The following DIP2B variants were observed in gnomAD, a reference collection of about 807,000 sequenced individuals.
DIP2B encodes DIP2 acetate--CoA ligase B (putative), also known as disco-interacting protein 2 homolog B.
In DIP2B, 76 loss-of-function variants were observed where a neutral mutation model predicts 198.0. The ratio of observed to expected loss-of-function variants is 0.38; its 90% CI spans 0.32 to 0.46. DIP2B has a LOEUF of 0.46. DIP2B is among the 20% of genes least tolerant of loss of function. DIP2B has a pLI of 0.99. For synonymous variants in DIP2B, 701 were observed against 739.1 expected, an observed-to-expected ratio of 0.95 and a Z score of 0.84; for missense variants, 1,559 against 1,978.4, an observed-to-expected ratio of 0.79 and a Z score of 4.02.
chr12:50,588,582 G>A (rs1002778447), intron 1 of DIP2B, among the ~76,000 whole-genome samples: 2 of 152,164 alleles, frequency 1.3e-5, no homozygotes, highest in Admixed American at 1.3e-4. Flanking sequence ...TTTGGGGAAT[G>A]CTGTCTGAAT....
chr12:50,643,548 C>G (rs1169600737), intron 3 of DIP2B, among the ~76,000 whole-genome samples: 1 of 151,732 alleles, frequency 6.6e-6, no homozygotes, highest in African/African-American at 2.4e-5. Flanking sequence ...CTATGAGGGT[C>G]CTGCAATCCT....
At chr12:50,521,894 T>G (rs954911026) in intron 1 of DIP2B, among the ~76,000 whole-genome samples, 2 of 152,006 alleles carry the variant, frequency 1.3e-5, no homozygotes, top group Non-Finnish European at 2.9e-5. Context: ...TCACCTGCCT[T>G]GGCCTCCCAG....
chr12:50,708,895 G>C (rs940797772), intron 22 of DIP2B, among the ~76,000 whole-genome samples: 1 of 152,252 alleles, frequency 6.6e-6, no homozygotes, highest in African/African-American at 2.4e-5. Context: ...GTCAGTCACA[G>C]TTTTACTGTG....
Position 50,558,524 on chromosome 12 carries a change from CTG to C in DIP2B, c.100+53286_100+53287del, listed in dbSNP as rs571943266. Among the ~76,000 whole-genome samples, 625 of 152,294 alleles carry C rather than the reference CTG, an allele frequency of 4.1e-3. 4 individuals are homozygous for C. Among genetic ancestry groups the C allele is most frequent in the African/African-American group, 0.014 (587 of 41,560 alleles). On this transcript the variant is annotated intron_variant, in intron 1 of 37. Transcript: ENST00000301180. ...TCTTGAGGCCACACTGTTTGCAGCACTGTATTTCTGAACTTGTATTCTAACAT... is the reference window on the plus strand; with the variant it reads ...TCTTGAGGCCACACTGTTTGCAGCACTATTTCTGAACTTGTATTCTAACAT...
At chr12:50,505,702 T>G (rs1469134171) in intron 1 of DIP2B, among the ~76,000 whole-genome samples, 1 of 152,058 alleles carries the variant, frequency 6.6e-6, no homozygotes, top group Admixed American at 6.6e-5. Context: ...ATCCGCAGCA[T>G]CATTTCTTCT....
At chr12:50,611,164 C>A (rs1305271528) in intron 1 of DIP2B, among the ~76,000 whole-genome samples, 3 of 152,132 alleles carry the variant, frequency 2.0e-5, no homozygotes, top group African/African-American at 4.8e-5. Flanking sequence ...TATTATCAGC[C>A]AAGTCAAAAG....
rs147896919 is a variant in DIP2B, at chr12:50,741,365, T to C, written c.4355-51T>C. On this transcript the variant is annotated intron_variant, in intron 36 of 37. Coordinates refer to ENST00000301180, the MANE Select transcript of DIP2B (RefSeq NM_173602.3). The stretch of plus-strand genomic sequence containing the variant: ...CTGTGCTGTGGACTCCAGTGTTATG[T>C]TGCACTCAGTATATGTCCAAGCCAC... 5.8e-4 allele frequency: 928 copies of C among 1,593,112 alleles called. 5 individuals are homozygous for C. In the African/African-American group the frequency reaches 0.011, roughly 19 times the overall value.
chr12:50,508,340 G>GT (rs1202795977), intron 1 of DIP2B, among the ~76,000 whole-genome samples: 1 of 152,180 alleles, frequency 6.6e-6, no homozygotes, highest in Non-Finnish European at 1.5e-5. Flanking sequence ...TGACAGCTCT[G>GT]TTGTTTGGAC....
intron 1 of DIP2B, among the ~76,000 whole-genome samples, chr12:50,612,430 CTTTT>C (rs34710255): frequency 1.5e-5 from 2 of 136,788 alleles, no homozygotes; most frequent in Non-Finnish European, 1.6e-5. Context: ...TTCATAATAA[CTTTT>C]TTTTTTTTTT....
At chr12:50,604,184 G>A (rs1958962229) in intron 1 of DIP2B, among the ~76,000 whole-genome samples, 1 of 151,884 alleles carries the variant, frequency 6.6e-6, no homozygotes, top group South Asian at 2.1e-4. Context: ...GTTTTACTCT[G>A]AATCCTTTAA....
At chr12:50,579,420 C>T (rs1344543301) in intron 1 of DIP2B, among the ~76,000 whole-genome samples, 1 of 151,130 alleles carries the variant, frequency 6.6e-6, no homozygotes, top group Non-Finnish European at 1.5e-5. Context: ...GGACACCAGC[C>T]TGGGCAACAT....
At chr12:50,528,230 C>CTTT (rs954160858) in intron 1 of DIP2B, among the ~76,000 whole-genome samples, 1 of 140,416 alleles carries the variant, frequency 7.1e-6, no homozygotes. Context: ...CCTGACCCTT[C>CTTT]TTTTTTTTTT....
chr12:50,582,896 G>C (rs1268053976), intron 1 of DIP2B, among the ~76,000 whole-genome samples: 1 of 152,148 alleles, frequency 6.6e-6, no homozygotes, highest in Non-Finnish European at 1.5e-5. Flanking sequence ...CTGATAATCA[G>C]ATGATGTAAT....
Position 50,706,619 on chromosome 12 carries a change from G to C in DIP2B, c.2488G>C (p.Ala830Pro). The change falls in exon 21 of 38, where the codon GCT (alanine) becomes CCT (proline). Residue 830 changes from alanine to proline, a missense_variant. Ala to Pro is a conservative substitution (Grantham distance 27, BLOSUM62 -1). Coordinates refer to ENST00000301180, the MANE Select transcript of DIP2B (RefSeq NM_173602.3). ...AAGACATAATGCTGATGACATTGTT[G>C]CTACTGGATTGGCTGTAGAATCAAT... ...GRRHNADDIV[A>P]TGLAVESIKT... 2.5e-6 allele frequency: 4 copies of C among 1,614,090 alleles called. No individual in the cohort carries two copies. The highest frequency in any genetic ancestry group is 3.4e-6 in the Non-Finnish European group (4 of 1,179,972).
intron 1 of DIP2B, among the ~76,000 whole-genome samples, chr12:50,580,242 C>T (rs138506647): frequency 0.019 from 2,782 of 148,896 alleles, 155 homozygotes; most frequent in South Asian, 0.094. Flanking sequence ...GCACTACACA[C>T]TGTTGCCCCA....
At chr12:50,691,533 C>T (rs540750122) in intron 13 of DIP2B, among the ~76,000 whole-genome samples, 1 of 152,186 alleles carries the variant, frequency 6.6e-6, no homozygotes, top group Non-Finnish European at 1.5e-5. Flanking sequence ...AAAATGTATT[C>T]GATATTTTTG....
intron 10 of DIP2B, 49 bp downstream of exon 10, chr12:50,683,297 G>A (rs1255500340): frequency 1.3e-6 from 2 of 1,494,480 alleles, no homozygotes; most frequent in East Asian, 2.3e-5. Flanking sequence ...GACATGGCAG[G>A]CATTGGGTTC....
chr12:50,686,775 A>G (rs763814714), intron 12 of DIP2B, 93 bp downstream of exon 12: 63 of 1,130,160 alleles, frequency 5.6e-5, no homozygotes, highest in Non-Finnish European at 7.4e-5. Flanking sequence ...TGCAACGTTA[A>G]TGTTAGAAGA....
At chr12:50,524,098 T>G (rs1424895184) in intron 1 of DIP2B, among the ~76,000 whole-genome samples, 1 of 152,228 alleles carries the variant, frequency 6.6e-6, no homozygotes, top group East Asian at 1.9e-4. Context: ...ACATCCTTGA[T>G]TCCTCTCCTT....
Sources: allele counts gnomAD v4.1 joint callset (sites outside exome capture counted in the v4.1 genomes callset), GRCh38; gene constraint gnomAD v4.1.1; transcripts MANE v1.5; gene names NCBI Gene and HGNC (gene_info 2026-07-23, HGNC 2026-07-21).